Variants in SORBS2 observed in about 807,000 individuals in gnomAD.
The protein encoded by SORBS2 is sorbin and SH3 domain containing 2, also known as sorbin and SH3 domain-containing protein 2.
A neutral mutation model predicts 97.7 loss-of-function variants in SORBS2; 46 were observed. The observed-to-expected ratio is 0.47, with a 90% CI of 0.37 to 0.60. SORBS2 has a LOEUF of 0.60. Ranked by LOEUF, SORBS2 falls within the 20% of genes least tolerant of loss-of-function variation. The probability of loss-of-function intolerance (pLI) is 0.00; values close to 1 mark genes in which losing one functional copy is unlikely to be tolerated. For synonymous variants in SORBS2, 476 were observed against 473.4 expected, an observed-to-expected ratio of 1.01 and a Z score of -0.07; for missense variants, 1,316 against 1,282.3, an observed-to-expected ratio of 1.03 and a Z score of -0.40.
At position 185,597,423 on chromosome 4, in the gene SORBS2, GT is replaced by G. The variant is rs576531676; in HGVS notation, c.2797-3489del. Among the ~76,000 whole-genome samples, 145 of 151,972 alleles carry G rather than the reference GT, an allele frequency of 9.5e-4. 1 individual carries two copies. The Middle Eastern group carries it at 0.017, about 18-fold the overall frequency. On this transcript the variant is annotated intron_variant, in intron 12 of 14. Transcript: ENST00000418609. ...GTTAATTCTCATGTGTCTCGGTCAC[GT>G]AAAAAAAAATAATGGTTACAATTCA... is the stretch of plus-strand genomic sequence containing the variant.
intron 1 of SORBS2, among the ~76,000 whole-genome samples, chr4:185,938,290 G>A (rs1027725560): frequency 5.9e-5 from 9 of 151,612 alleles, no homozygotes; most frequent in South Asian, 2.1e-4. Flanking sequence ...GAGCCACCAC[G>A]CCTGACCAAG....
intron 2 of SORBS2, among the ~76,000 whole-genome samples, chr4:185,697,453 A>G (rs193040149): frequency 1.3e-4 from 20 of 152,292 alleles, no homozygotes; most frequent in African/African-American, 4.8e-4. Flanking sequence ...AAGATCCTTT[A>G]TTTAGCTAAG....
chr4:185,636,541 A>T (rs1420473834), intron 4 of SORBS2, among the ~76,000 whole-genome samples: 1 of 152,218 alleles, frequency 6.6e-6, no homozygotes, highest in Admixed American at 6.5e-5. Context: ...GTTATTTAAG[A>T]GTCTAAAACG....
chr4:185,776,310 A>G (rs1164643434), intron 1 of SORBS2, among the ~76,000 whole-genome samples: 2 of 152,334 alleles, frequency 1.3e-5, no homozygotes, highest in Middle Eastern at 6.8e-3. Context: ...TATTCACATC[A>G]TGGCAGCTGA....
At chr4:185,612,066 G>C (rs2096547324) in intron 11 of SORBS2, 86 bp from the exon 24 acceptor site, 1 of 1,078,026 alleles carries the variant, frequency 9.3e-7, no homozygotes, top group African/African-American at 1.6e-5. Context: ...TGAAAAAATA[G>C]GTTTCCATTT....
At chr4:185,614,020 T>C (rs1425332067) in intron 11 of SORBS2, among the ~76,000 whole-genome samples, 1 of 152,180 alleles carries the variant, frequency 6.6e-6, no homozygotes, top group Non-Finnish European at 1.5e-5. Flanking sequence ...TAAATATTAC[T>C]ACCTCGCCTG....
intron 1 of SORBS2, among the ~76,000 whole-genome samples, chr4:185,904,165 T>G (rs1346878706): frequency 6.6e-6 from 1 of 152,220 alleles, no homozygotes; most frequent in East Asian, 1.9e-4. Flanking sequence ...ATGTATAATC[T>G]TATTAATTAA....
chr4:185,705,304 A>C (rs987070624), intron 2 of SORBS2, among the ~76,000 whole-genome samples: 18 of 152,198 alleles, frequency 1.2e-4, no homozygotes, highest in Non-Finnish European at 2.1e-4. Context: ...TGGATTATGT[A>C]AACACTGGAC....
intron 1 of SORBS2, among the ~76,000 whole-genome samples, chr4:185,926,766 T>G (rs1242995559): frequency 6.6e-6 from 1 of 152,150 alleles, no homozygotes; most frequent in Non-Finnish European, 1.5e-5. Flanking sequence ...AGCTTTTTGA[T>G]GTGGCACAAG....
chr4:185,758,238 A>G (rs1412447870), intron 2 of SORBS2, among the ~76,000 whole-genome samples: 2 of 152,248 alleles, frequency 1.3e-5, no homozygotes, highest in East Asian at 3.8e-4. Context: ...CCAGAATTAC[A>G]GCATTCCACC....
rs143219486 is a variant in SORBS2 at position 185,646,781 on chromosome 4, G to T, written c.283C>A (p.His95Asn). ...TTTCTGTCTGGAGGATCCCAGTCAT[G>T]CCTAGAAATAAACAATAAATCACAC... Residue 95 changes from histidine to asparagine, a missense_variant and splice_region_variant, in exon 4 of 15, where the codon CAT becomes AAT. Transcript: ENST00000418609. The T allele has an allele frequency of 2.2e-4, 353 of 1,571,606 alleles. No homozygotes were observed. The African/African-American group carries it at 4.3e-3, about 19-fold the overall frequency.
chr4:185,614,166 T>C (rs915882905), intron 11 of SORBS2, among the ~76,000 whole-genome samples: 1 of 141,020 alleles, frequency 7.1e-6, no homozygotes, highest in African/African-American at 2.7e-5. Context: ...TGTGTTTTTT[T>C]TTTTTTTTTT....
At chr4:185,863,954 C>G (rs2099225372) in intron 1 of SORBS2, among the ~76,000 whole-genome samples, 1 of 152,148 alleles carries the variant, frequency 6.6e-6, no homozygotes, top group African/African-American at 2.4e-5. Flanking sequence ...ATAAAGGTCT[C>G]TACAGGAACA....
chr4:185,592,128 A>T (rs959476613), intron 13 of SORBS2: 1 of 152,332 alleles, frequency 6.6e-6, no homozygotes, highest in African/African-American at 2.4e-5. Context: ...GTGTCTTTTA[A>T]ACAGGAAATG....
intron 2 of SORBS2, chr4:185,757,140 G>A: frequency 2.3e-6 from 1 of 431,342 alleles, no homozygotes; most frequent in Non-Finnish European, 4.3e-6. Context: ...AGGGGTTCCT[G>A]GTCCAGCAGA....
At chr4:185,878,241 C>T (rs1323211833) in intron 1 of SORBS2, among the ~76,000 whole-genome samples, 1 of 152,110 alleles carries the variant, frequency 6.6e-6, no homozygotes, top group Non-Finnish European at 1.5e-5. Flanking sequence ...TAGGTTTTCT[C>T]TATTTTGGCA....
At chr4:185,811,274 CT>C (rs2099182526) in intron 1 of SORBS2, among the ~76,000 whole-genome samples, 1 of 152,192 alleles carries the variant, frequency 6.6e-6, no homozygotes, top group African/African-American at 2.4e-5. Context: ...AGAAATGCTT[CT>C]CATGTAGTTC....
intron 1 of SORBS2, among the ~76,000 whole-genome samples, chr4:185,873,860 A>T (rs2099231825): frequency 2.0e-5 from 3 of 152,212 alleles, no homozygotes; most frequent in African/African-American, 4.8e-5. Flanking sequence ...ATATTATTGT[A>T]AATAATTATG....
chr4:185,718,968 T>C (rs1156815700), intron 2 of SORBS2, among the ~76,000 whole-genome samples: 1 of 152,186 alleles, frequency 6.6e-6, no homozygotes, highest in African/African-American at 2.4e-5. Flanking sequence ...TAGAAACAGG[T>C]AAATGATTTA....
Sources: gnomAD v4.1 joint callset for allele counts (sites outside exome capture counted in the v4.1 genomes callset) on GRCh38, gnomAD v4.1.1 for gene constraint, MANE v1.5 for transcripts, NCBI Gene and HGNC (gene_info 2026-07-23, HGNC 2026-07-21) for gene names.